The following GLRA1 variants were observed in gnomAD, a reference collection of about 807,000 sequenced individuals.
GLRA1 encodes glycine receptor subunit alpha-1.
Under a neutral mutation model 48.3 loss-of-function variants are expected in GLRA1, and 37 were observed. That is an observed-to-expected ratio of 0.77 (90% confidence interval 0.59 to 1.01). The LOEUF (loss-of-function observed/expected upper bound fraction) is 1.01. Among genes scored for constraint, GLRA1 ranks in the 50% least tolerant of loss-of-function variants. The pLI is 0.00. For synonymous variants in GLRA1, 196 were observed against 210.7 expected (o/e 0.93, Z 0.60); for missense variants, 427 against 571.0 (o/e 0.75, Z 2.57).
At chr5:151,845,152 A>G (rs1414439578) in intron 7 of GLRA1, among the ~76,000 whole-genome samples, 1 of 152,202 alleles carries the variant, frequency 6.6e-6, no homozygotes, top group Non-Finnish European at 1.5e-5. Context: ...AGTCACCCCT[A>G]AGAGAAGGCA....
At chr5:151,855,263 G>T in intron 5 of GLRA1, 86 bp from the exon 6 acceptor site, 1 of 1,327,570 alleles carries the variant, frequency 7.5e-7, no homozygotes, top group Non-Finnish European at 1.1e-6. Flanking sequence ...TAGAGACTGA[G>T]AGAGACATCA....
chr5:151,876,653 CATAGGAGG>C (rs1197195423), intron 3 of GLRA1, among the ~76,000 whole-genome samples: 1 of 152,084 alleles, frequency 6.6e-6, no homozygotes, highest in Non-Finnish European at 1.5e-5. Flanking sequence ...CTTCTGGTAC[CATAGGAGG>C]ATTATACTTC....
At chr5:151,901,501 G>A (rs1561578261) in intron 1 of GLRA1, among the ~76,000 whole-genome samples, 1 of 152,218 alleles carries the variant, frequency 6.6e-6, no homozygotes, top group Non-Finnish European at 1.5e-5. Flanking sequence ...TAATCAGCAT[G>A]CATCCCACGA....
At chr5:151,859,393 A>G (rs17112288) in intron 4 of GLRA1, among the ~76,000 whole-genome samples, 3,052 of 152,296 alleles carry the variant, frequency 0.02, 97 homozygotes, top group African/African-American at 0.064. Flanking sequence ...GAGCAACACC[A>G]TCCACCTGGC....
chr5:151,844,983 G>A (rs1322219533), intron 7 of GLRA1, among the ~76,000 whole-genome samples: 1 of 152,130 alleles, frequency 6.6e-6, no homozygotes, highest in Non-Finnish European at 1.5e-5. Context: ...CAAGAAGTGG[G>A]TGGGAGACGC....
intron 3 of GLRA1, among the ~76,000 whole-genome samples, chr5:151,878,194 G>A (rs983782892): frequency 1.3e-5 from 2 of 152,134 alleles, no homozygotes; most frequent in African/African-American, 4.8e-5. Context: ...TGGAGCAAAG[G>A]TGACGCTTGT....
chr5:151,855,877 C>T (rs529652912), intron 5 of GLRA1, among the ~76,000 whole-genome samples: 4 of 152,236 alleles, frequency 2.6e-5, no homozygotes, highest in Admixed American at 2.0e-4. Flanking sequence ...GAAGGAAGCA[C>T]GCTTTCTGCC....
At chr5:151,871,587 G>A (rs1326838286) in intron 3 of GLRA1, among the ~76,000 whole-genome samples, 1 of 145,216 alleles carries the variant, frequency 6.9e-6, no homozygotes, top group East Asian at 2.0e-4. Context: ...TTGAGATAGA[G>A]TCTCGCTCTG....
intron 7 of GLRA1, among the ~76,000 whole-genome samples, chr5:151,829,425 C>T (rs953840536): frequency 2.6e-5 from 4 of 152,106 alleles, no homozygotes; most frequent in Non-Finnish European, 5.9e-5. Context: ...AAAATGGCAT[C>T]GTAAGGACCT....
chr5:151,823,306 C>G (rs963380494), intron 8 of GLRA1, among the ~76,000 whole-genome samples: 1 of 152,156 alleles, frequency 6.6e-6, no homozygotes, highest in Non-Finnish European at 1.5e-5. Context: ...ATTTTTTCTT[C>G]TACCTGGGGG....
chr5:151,858,619 G>A (rs1354956838), intron 4 of GLRA1, among the ~76,000 whole-genome samples: 2 of 152,050 alleles, frequency 1.3e-5, no homozygotes, highest in Non-Finnish European at 2.9e-5. Context: ...TGTAAGCCTC[G>A]GGTTCCTCCA....
intron 3 of GLRA1, among the ~76,000 whole-genome samples, chr5:151,880,333 G>T (rs1753729705): frequency 6.6e-6 from 1 of 152,210 alleles, no homozygotes. Context: ...GTGTATCTCA[G>T]AAGTATTAAT....
intron 6 of GLRA1, among the ~76,000 whole-genome samples, chr5:151,853,829 C>A (rs138094867): frequency 0.011 from 1,692 of 152,148 alleles, 20 homozygotes; most frequent in Middle Eastern, 0.048. Context: ...GAAGTTTTAT[C>A]ATTTTAGCTT....
intron 1 of GLRA1, among the ~76,000 whole-genome samples, chr5:151,923,126 G>T (rs907756585): frequency 6.6e-6 from 1 of 152,186 alleles, no homozygotes; most frequent in African/African-American, 2.4e-5. Flanking sequence ...CTGTGGTCAG[G>T]ACTCTGTGGC....
At chr5:151,885,894 C>T (rs887234674) in intron 3 of GLRA1, among the ~76,000 whole-genome samples, 6 of 152,086 alleles carry the variant, frequency 3.9e-5, no homozygotes, top group Admixed American at 6.5e-5. Flanking sequence ...TGGAAGCCAA[C>T]GAGAACCCTT....
At chr5:151,854,985 G>A in intron 6 of GLRA1, 55 bp downstream of exon 6, 2 of 1,560,454 alleles carry the variant, frequency 1.3e-6, no homozygotes, top group Admixed American at 3.3e-5. Flanking sequence ...TGTCTGAAAT[G>A]ACCTCTGGTC....
intron 3 of GLRA1, among the ~76,000 whole-genome samples, chr5:151,881,292 C>T (rs1753753616): frequency 6.6e-6 from 1 of 150,708 alleles, no homozygotes; most frequent in Non-Finnish European, 1.5e-5. Flanking sequence ...TTCCTCTTTT[C>T]CTTTGTACGT....
intron 7 of GLRA1, among the ~76,000 whole-genome samples, chr5:151,848,617 G>C (rs1752741797): frequency 6.6e-6 from 1 of 152,312 alleles, no homozygotes; most frequent in East Asian, 1.9e-4. Flanking sequence ...AGTGCATTCT[G>C]TGTGACCCCT....
intron 3 of GLRA1, among the ~76,000 whole-genome samples, chr5:151,866,129 C>T (rs1486544694): frequency 6.6e-6 from 1 of 152,118 alleles, no homozygotes; most frequent in Non-Finnish European, 1.5e-5. Context: ...AAGGGTAGCC[C>T]ACAAACCTGA....
Sources: allele counts gnomAD v4.1 joint callset (sites outside exome capture counted in the v4.1 genomes callset), GRCh38; gene constraint gnomAD v4.1.1; transcripts MANE v1.5; gene names NCBI Gene and HGNC (gene_info 2026-07-23, HGNC 2026-07-21).